The following GFRA1 variants were observed in gnomAD, a reference collection of about 807,000 sequenced individuals.
GFRA1 encodes the protein GDNF family receptor alpha-1.
GFRA1 carries 16 observed loss-of-function variants against 51.6 expected under a neutral mutation model. The ratio of observed to expected loss-of-function variants is 0.31; its 90% CI spans 0.21 to 0.47. The LOEUF (loss-of-function observed/expected upper bound fraction) is 0.47, where lower values mean the gene tolerates loss of function less well. GFRA1 is among the 20% of genes least tolerant of loss of function. The probability of loss-of-function intolerance (pLI) is 1.00; values close to 1 mark genes in which losing one functional copy is unlikely to be tolerated. For synonymous variants in GFRA1, 270 were observed against 241.3 expected, an observed-to-expected ratio of 1.12 and a Z score of -1.10; for missense variants, 530 against 594.3, an observed-to-expected ratio of 0.89 and a Z score of 1.13.
chr10:116,141,522 G>T (rs1003900926), intron 5 of GFRA1, among the ~76,000 whole-genome samples: 7 of 150,812 alleles, frequency 4.6e-5, no homozygotes, highest in African/African-American at 1.5e-4. Context: ...AACCGAGGGG[G>T]TTGGGGGAGA....
chr10:116,144,194 T>G (rs946860273), intron 5 of GFRA1, among the ~76,000 whole-genome samples: 10 of 152,082 alleles, frequency 6.6e-5, no homozygotes, highest in African/African-American at 2.4e-4. Flanking sequence ...GAAAGCTAAG[T>G]TCATTAATGA....
intron 5 of GFRA1, among the ~76,000 whole-genome samples, chr10:116,148,302 CAG>C (rs1958920230): frequency 6.6e-6 from 1 of 152,076 alleles, no homozygotes; most frequent in Non-Finnish European, 1.5e-5. Context: ...TAGCTAATAG[CAG>C]AGTCAGGAGA....
At chr10:116,238,616 C>T (rs1967096841) in intron 4 of GFRA1, among the ~76,000 whole-genome samples, 1 of 152,198 alleles carries the variant, frequency 6.6e-6, no homozygotes, top group African/African-American at 2.4e-5. Context: ...ATTTATTTAA[C>T]AAGGCCTCAG....
rs1160717399 is a variant in GFRA1, at chr10:116,272,061, C to G, written c.-32G>C. On this transcript the variant is annotated 5_prime_UTR_variant, in exon 2 of 11. Coordinates refer to ENST00000355422, the MANE Select transcript of GFRA1 (RefSeq NM_005264.8). This position sits in a 1 kb window ranked among gnomAD's most constrained non-coding sequence, Gnocchi z 4.4. Reference sequence around the variant, plus strand: ...GGCGCGGGGCTGGTCCCCGCCCCCCCAAAAAAATCCCGAGCCGCCGCTGGG... The same window carrying G: ...GGCGCGGGGCTGGTCCCCGCCCCCCGAAAAAAATCCCGAGCCGCCGCTGGG... The G allele has an allele frequency of 3.9e-6, 6 of 1,541,364 alleles. No individual in the cohort carries two copies. The highest frequency in any genetic ancestry group is 2.4e-5 in the East Asian group (1 of 40,872).
rs1261274003 is a variant in GFRA1 at position 116,105,318 on chromosome 10, CTAG to C, written c.771-8557_771-8555del. On this transcript the variant is annotated intron_variant, in intron 6 of 10. Transcript: ENST00000355422. ...TTTGGCCACAAGAAAAAATGGAAAT[CTAG>C]ATGTTCAATGAATCTTTCACCAGCA... Among the ~76,000 whole-genome samples, 8 of 152,244 alleles carry C rather than the reference CTAG, an allele frequency of 5.3e-5. No individual in the cohort carries two copies. In the East Asian group the frequency reaches 1.2e-3, roughly 22 times the overall value.
chr10:116,168,671 T>C (rs769466883), intron 5 of GFRA1, among the ~76,000 whole-genome samples: 8 of 152,108 alleles, frequency 5.3e-5, no homozygotes, highest in Non-Finnish European at 8.8e-5. Flanking sequence ...AACAAGAAAT[T>C]CTTTTAGGGC....
chr10:116,086,756 A>C (rs1369536857), intron 9 of GFRA1, among the ~76,000 whole-genome samples: 1 of 152,164 alleles, frequency 6.6e-6, no homozygotes, highest in Non-Finnish European at 1.5e-5. Flanking sequence ...CCACGCCTTC[A>C]TGTCCCCCTC....
intron 5 of GFRA1, among the ~76,000 whole-genome samples, chr10:116,195,511 C>T (rs1405100185): frequency 6.6e-6 from 1 of 152,210 alleles, no homozygotes; most frequent in South Asian, 2.1e-4. Flanking sequence ...AGATTCCTCA[C>T]ATGTGCAGTT....
intron 5 of GFRA1, among the ~76,000 whole-genome samples, chr10:116,138,105 T>C (rs1255661763): frequency 2.6e-5 from 4 of 152,276 alleles, no homozygotes; most frequent in African/African-American, 7.2e-5. Flanking sequence ...CCGGCCTGTA[T>C]GTATTTTTTA....
chr10:116,197,833 T>C (rs1964015967), intron 5 of GFRA1, among the ~76,000 whole-genome samples: 1 of 152,184 alleles, frequency 6.6e-6, no homozygotes, highest in African/African-American at 2.4e-5. Context: ...AGTGGCCAGC[T>C]ACAGGCGGAT....
chr10:116,079,382 T>G (rs2133827379), intron 9 of GFRA1, among the ~76,000 whole-genome samples: 1 of 152,200 alleles, frequency 6.6e-6, no homozygotes, highest in Middle Eastern at 3.4e-3. Context: ...CTAGGAAAGA[T>G]TTGGTCCAGT....
intron 5 of GFRA1, among the ~76,000 whole-genome samples, chr10:116,128,972 T>A (rs188478173): frequency 1.5e-4 from 23 of 152,306 alleles, no homozygotes; most frequent in African/African-American, 5.3e-4. Flanking sequence ...CACTTTCTAC[T>A]GATTCTATTT....
At chr10:116,185,712 C>T (rs1383713594) in intron 5 of GFRA1, among the ~76,000 whole-genome samples, 4 of 152,216 alleles carry the variant, frequency 2.6e-5, no homozygotes, top group Admixed American at 1.3e-4. Context: ...CCCTGTCCTG[C>T]TCCCCACCCC....
At chr10:116,259,207 T>C (rs964456439) in intron 4 of GFRA1, among the ~76,000 whole-genome samples, 8 of 152,208 alleles carry the variant, frequency 5.3e-5, no homozygotes, top group African/African-American at 1.7e-4. Flanking sequence ...GAAATCACAG[T>C]TGGCATGGTG....
At chr10:116,251,488 A>G (rs547429712) in intron 4 of GFRA1, among the ~76,000 whole-genome samples, 3 of 152,220 alleles carry the variant, frequency 2.0e-5, no homozygotes, top group Non-Finnish European at 4.4e-5. Context: ...TTGCCAGGTT[A>G]GAACCACTGG....
chr10:116,218,493 T>A (rs1339260966), intron 4 of GFRA1, among the ~76,000 whole-genome samples: 1 of 152,208 alleles, frequency 6.6e-6, no homozygotes, highest in Non-Finnish European at 1.5e-5. Flanking sequence ...AGCCCCTTCC[T>A]GCCCAGGTGC....
intron 9 of GFRA1, among the ~76,000 whole-genome samples, chr10:116,082,396 C>G (rs981554713): frequency 6.6e-6 from 1 of 152,164 alleles, no homozygotes; most frequent in Admixed American, 6.5e-5. Context: ...TTCCCCTCCT[C>G]CCTGGGACTT....
intron 9 of GFRA1, among the ~76,000 whole-genome samples, chr10:116,077,358 T>C (rs912688562): frequency 5.3e-5 from 8 of 152,198 alleles, no homozygotes; most frequent in African/African-American, 1.9e-4. Context: ...TGACCTGCCT[T>C]TGTTGAAAAG....
chr10:116,120,160 T>C lies in GFRA1; in HGVS notation c.770+5061A>G, dbSNP rs893101044. On this transcript the variant is annotated intron_variant, in intron 6 of 10. Transcript: ENST00000355422. The stretch of plus-strand genomic sequence containing the variant: ...GACACCAGGAAGAACAAGTGTATCA[T>C]ATCTCCAGCAGGGTCAAGAGAACCT... 7.9e-5 allele frequency among the ~76,000 whole-genome samples: 12 copies of C among 152,208 alleles called. 1 individual carries two copies. The highest frequency in any genetic ancestry group is 3.3e-4 in the Admixed American group (5 of 15,286).
Sources: allele counts gnomAD v4.1 joint callset (sites outside exome capture counted in the v4.1 genomes callset), GRCh38; gene constraint gnomAD v4.1.1; non-coding constraint Gnocchi (gnomAD v3.1); transcripts MANE v1.5; gene names NCBI Gene and HGNC (gene_info 2026-07-23, HGNC 2026-07-21).